Variants in NALCN observed in about 807,000 individuals in gnomAD.
NALCN encodes the protein sodium leak channel, non-selective.
A neutral mutation model predicts 225.3 loss-of-function variants in NALCN; 111 were observed. The ratio of observed to expected loss-of-function variants is 0.49; its 90% confidence interval spans 0.42 to 0.58. The LOEUF (loss-of-function observed/expected upper bound fraction) is 0.58. NALCN is among the 20% of genes least tolerant of loss of function. The probability of loss-of-function intolerance (pLI) is 0.00; values close to 1 mark genes in which losing one functional copy is unlikely to be tolerated. For synonymous variants in NALCN, 764 were observed against 769.0 expected (o/e 0.99, Z 0.11); for missense variants, 1,378 against 2,202.4 (o/e 0.63, Z 7.49).
Position 101,055,159 on chromosome 13 carries a change from T to A in NALCN, c.*136A>T. 1 of 741,142 alleles carries A rather than the reference T, an allele frequency of 1.3e-6. No individual in the cohort carries two copies. The highest frequency in any genetic ancestry group is 2.4e-4 in the Middle Eastern group (1 of 4,100). 45.9% of individuals were successfully genotyped at this position (741,142 alleles called of 1,614,324 possible). On this transcript the variant is annotated 3_prime_UTR_variant, in exon 44 of 44. Coordinates refer to ENST00000251127, the MANE Select transcript of NALCN (RefSeq NM_052867.4). ...CAGCTTATGCCTTTCTGTGGCAGGA[T>A]GAAAATCAATTTATAAACATCTTGT...
intron 11 of NALCN, among the ~76,000 whole-genome samples, chr13:101,252,272 TG>T (rs1384244275): frequency 6.6e-6 from 1 of 152,194 alleles, no homozygotes; most frequent in East Asian, 1.9e-4. Context: ...TCTTCCTCTC[TG>T]TTCTCTGACT....
intron 15 of NALCN, among the ~76,000 whole-genome samples, chr13:101,165,619 G>A (rs189665126): frequency 7.9e-5 from 12 of 152,216 alleles, no homozygotes; most frequent in African/African-American, 2.4e-4. Context: ...ACAGGCATGC[G>A]CCACCATGTC....
chr13:101,055,723 C>T (rs1006990244), intron 43 of NALCN, among the ~76,000 whole-genome samples: 2 of 151,792 alleles, frequency 1.3e-5, no homozygotes, highest in Non-Finnish European at 2.9e-5. Flanking sequence ...TGCTGCTCAC[C>T]CCTTTCATTT....
chr13:101,260,161 A>T (rs930512816), intron 10 of NALCN, among the ~76,000 whole-genome samples: 3 of 152,184 alleles, frequency 2.0e-5, no homozygotes, highest in Admixed American at 6.5e-5. Flanking sequence ...TTCGCTTAAC[A>T]TAATGATCTC....
intron 3 of NALCN, among the ~76,000 whole-genome samples, chr13:101,389,270 G>A (rs1464837618): frequency 1.3e-5 from 2 of 152,196 alleles, no homozygotes; most frequent in Admixed American, 6.5e-5. Flanking sequence ...GGAATGCTGA[G>A]CAGATATCTC....
intron 13 of NALCN, among the ~76,000 whole-genome samples, chr13:101,207,422 A>T (rs2040355059): frequency 6.6e-6 from 1 of 152,182 alleles, no homozygotes; most frequent in Admixed American, 6.5e-5. Flanking sequence ...CTTCTTTGTA[A>T]TTGATTTTAT....
At chr13:101,182,702 G>C (rs946947813) in intron 14 of NALCN, among the ~76,000 whole-genome samples, 2 of 152,106 alleles carry the variant, frequency 1.3e-5, no homozygotes, top group African/African-American at 4.8e-5. Flanking sequence ...GTGATAAGGT[G>C]GCAACTGGCA....
chr13:101,340,581 CACTT>C (rs1446292169), intron 7 of NALCN, among the ~76,000 whole-genome samples: 2 of 152,308 alleles, frequency 1.3e-5, no homozygotes, highest in East Asian at 3.9e-4. Flanking sequence ...GTAGGTCTAT[CACTT>C]ACCCCATTTC....
chr13:101,297,979 T>C (rs1454723673), intron 7 of NALCN, among the ~76,000 whole-genome samples: 1 of 152,184 alleles, frequency 6.6e-6, no homozygotes, highest in African/African-American at 2.4e-5. Flanking sequence ...AGTTTGAGCA[T>C]CCCCTTCAGT....
intron 7 of NALCN, among the ~76,000 whole-genome samples, chr13:101,330,297 G>T (rs925494336): frequency 6.6e-6 from 1 of 152,130 alleles, no homozygotes; most frequent in Non-Finnish European, 1.5e-5. Context: ...GCTGTGAGCA[G>T]CAGCTGAAGC....
intron 37 of NALCN, among the ~76,000 whole-genome samples, chr13:101,070,621 T>C (rs1159530640): frequency 1.3e-5 from 2 of 152,232 alleles, no homozygotes; most frequent in Non-Finnish European, 2.9e-5. Flanking sequence ...ACCAGGTAGA[T>C]GCATTGTTAA....
At chr13:101,064,466 G>A (rs2032204726) in intron 40 of NALCN, among the ~76,000 whole-genome samples, 1 of 152,044 alleles carries the variant, frequency 6.6e-6, no homozygotes, top group African/African-American at 2.4e-5. Context: ...GATGTAATTA[G>A]TAATTAAGTT....
At chr13:101,114,075 G>A (rs2035580247) in intron 18 of NALCN, among the ~76,000 whole-genome samples, 2 of 152,170 alleles carry the variant, frequency 1.3e-5, no homozygotes, top group South Asian at 2.1e-4. Context: ...ACCCTGCAGT[G>A]CAGCTGCTGA....
intron 3 of NALCN, among the ~76,000 whole-genome samples, chr13:101,394,042 G>A (rs955926084): frequency 6.6e-6 from 1 of 152,090 alleles, no homozygotes; most frequent in Non-Finnish European, 1.5e-5. Context: ...AATTTTATCA[G>A]TCACCAATAC....
At chr13:101,276,423 T>C (rs1417261929) in intron 10 of NALCN, among the ~76,000 whole-genome samples, 1 of 152,188 alleles carries the variant, frequency 6.6e-6, no homozygotes, top group African/African-American at 2.4e-5. Context: ...GCTCACCACA[T>C]ATAACTTACC....
intron 17 of NALCN, among the ~76,000 whole-genome samples, chr13:101,136,948 A>C (rs922514635): frequency 6.6e-6 from 1 of 152,142 alleles, no homozygotes; most frequent in African/African-American, 2.4e-5. Flanking sequence ...ATTTCTCCAC[A>C]TCCTCTCCAG....
chr13:101,121,793 C>A (rs2035986603), intron 18 of NALCN, among the ~76,000 whole-genome samples: 1 of 152,130 alleles, frequency 6.6e-6, no homozygotes, highest in South Asian at 2.1e-4. Flanking sequence ...TATCCAGGAA[C>A]CTTGGCAGAG....
intron 6 of NALCN, among the ~76,000 whole-genome samples, chr13:101,346,087 C>CTCTCTATATATA: frequency 2.3e-3 from 160 of 70,930 alleles, no homozygotes; most frequent in East Asian, 8.8e-3. Flanking sequence ...CTCTCTCTCT[C>CTCTCTATATATA]TATATATATA....
chr13:101,310,054 T>C (rs1352463514), intron 7 of NALCN, among the ~76,000 whole-genome samples: 2 of 152,266 alleles, frequency 1.3e-5, no homozygotes, highest in Non-Finnish European at 2.9e-5. Context: ...ATGAACACTA[T>C]ATTCAGCATC....
Sources: gnomAD v4.1 joint callset for allele counts (sites outside exome capture counted in the v4.1 genomes callset) on GRCh38, gnomAD v4.1.1 for gene constraint, MANE v1.5 for transcripts, NCBI Gene and HGNC (gene_info 2026-07-23, HGNC 2026-07-21) for gene names.